The following REPIN1 variants were observed in gnomAD, a reference collection of about 807,000 sequenced individuals.
The protein encoded by REPIN1 is replication initiator 1.
REPIN1 carries 4 observed loss-of-function variants against 5.7 expected under a neutral mutation model. The ratio of observed to expected loss-of-function variants is 0.71; its 90% CI spans 0.35 to 1.62. REPIN1 has a LOEUF of 1.62. Ranked by LOEUF, REPIN1 falls within the 40% of genes most tolerant of loss-of-function variation. The pLI is 0.05. For missense variants in REPIN1, 854 were observed against 901.0 expected, an observed-to-expected ratio of 0.95 and a Z score of 0.67; for synonymous variants, 410 against 386.2, an observed-to-expected ratio of 1.06 and a Z score of -0.72.
Position 150,369,881 on chromosome 7 carries a change from C to G in REPIN1, c.157+13C>G, listed in dbSNP as rs1799378160. 2 of 1,572,168 alleles carry G rather than the reference C, an allele frequency of 1.3e-6. 1 individual carries two copies. Among genetic ancestry groups the G allele is most frequent in the Middle Eastern group, 3.7e-4 (2 of 5,448 alleles). Reference sequence around the variant, plus strand: ...TGCAGTCTCCAGGGTAGAGTCTGGCCTTTGCTGTGCTCCCAAACCACGCCA... The same window carrying G: ...TGCAGTCTCCAGGGTAGAGTCTGGCGTTTGCTGTGCTCCCAAACCACGCCA... On this transcript the variant is annotated intron_variant, in intron 2 of 2. Transcript: ENST00000489432.
rs115006765 is a variant in REPIN1, at chr7:150,370,134, G to T, written c.157+266G>T. The stretch of plus-strand genomic sequence containing the variant: ...CTTCCTTCCTCCTTCCGCGGAGGAG[G>T]CTCCTGTGCAGGAATCTGGGCTCCC... On this transcript the variant is annotated intron_variant, in intron 2 of 2. Transcript: ENST00000489432. The T allele has an allele frequency of 8.4e-3, 3,443 of 412,182 alleles. 90 individuals are homozygous for T. The highest frequency in any genetic ancestry group is 0.063 in the African/African-American group (3,205 of 51,028). The allele number at this position is 412,182 out of a possible 1,614,324, so 25.5% of individuals were successfully genotyped here.
At position 150,371,689 on chromosome 7, in the gene REPIN1, T is replaced by A. The variant is rs1274202032; in HGVS notation, c.619T>A (p.Cys207Ser). 1 of 1,606,164 alleles carries A rather than the reference T, an allele frequency of 6.2e-7. No individual in the cohort carries two copies. Among genetic ancestry groups the A allele is most frequent in the Non-Finnish European group, 8.5e-7 (1 of 1,179,826 alleles). Residue 207 changes from cysteine to serine, a missense_variant, in exon 3 of 3, where the codon TGC becomes AGC. Cys to Ser is a moderately radical substitution (Grantham distance 112, BLOSUM62 -1). Coordinates refer to ENST00000489432, the MANE Select transcript of REPIN1 (RefSeq NM_001099695.2). ...AAKRPIACPKCERRFWRRKQL... is the reference protein window; with the variant it reads ...AAKRPIACPKSERRFWRRKQL... Reference sequence around the variant, plus strand: ...AAAGCGGCCCATCGCTTGTCCCAAATGCGAGAGACGCTTCTGGCGACGAAA... The same window carrying A: ...AAAGCGGCCCATCGCTTGTCCCAAAAGCGAGAGACGCTTCTGGCGACGAAA...
chr7:150,372,245 G>GC lies in REPIN1; in HGVS notation c.1180dup (p.Gln394ProfsTer264), dbSNP rs760482357. 1 of 1,538,066 alleles carries GC rather than the reference G, an allele frequency of 6.5e-7. No homozygotes were observed. The highest frequency in any genetic ancestry group is 8.7e-7 in the Non-Finnish European group (1 of 1,148,416). On this transcript the variant is annotated frameshift_variant, in exon 3 of 3. Transcript: ENST00000489432. LOFTEE classifies it low-confidence loss of function (END_TRUNC). Reference sequence around the variant, plus strand: ...CCGGGGAGCCCCCAGCTGCCAGCCGGCCCCCAGGAGTCCGCGGCCGAGCCC... The same window carrying GC: ...CCGGGGAGCCCCCAGCTGCCAGCCGGCCCCCCAGGAGTCCGCGGCCGAGCCC...
rs367924981 is a variant in REPIN1, at chr7:150,371,485, C to G, written c.415C>G (p.Arg139Gly). The G allele has an allele frequency of 6.2e-7, 1 of 1,607,114 alleles. No individual in the cohort carries two copies. The highest frequency in any genetic ancestry group is 1.7e-5 in the Admixed American group (1 of 59,968). ...GCTTCACACCCGCCGGTGCCAGGCC[C>G]GGCTGCCCTTGCCCTGCCCTGAGTG... The part of the protein sequence containing the change: ...LWLHTRRCQA[R>G]LPLPCPECGR... Residue 139 changes from arginine (R) to glycine (G), a missense_variant, in exon 3 of 3, where the codon CGG becomes GGG. Arg to Gly is a moderately radical substitution (Grantham distance 125, BLOSUM62 -2). This residue lies in a region of REPIN1 where 409 missense variants were observed against 418.6 expected (regional missense o/e 0.98). Coordinates refer to ENST00000489432, the MANE Select transcript of REPIN1 (RefSeq NM_001099695.2).
In REPIN1 at chr7:150,372,545, A is replaced by G; in HGVS notation, c.1475A>G (p.Glu492Gly). 1.9e-6 allele frequency: 3 copies of G among 1,574,454 alleles called. No homozygotes were observed. The highest frequency in any genetic ancestry group is 1.3e-5 in the African/African-American group (1 of 74,274). ...HSGERPFACE[E>G]CGRRFSQGSH... The stretch of plus-strand genomic sequence containing the variant: ...GGCGAGCGGCCCTTCGCCTGCGAGG[A>G]GTGCGGCCGCCGCTTCTCCCAGGGC... The change falls in exon 3 of 3, where the codon GAG (glutamate) becomes GGG (glycine). Residue 492 changes from glutamate (E) to glycine (G), a missense_variant. Transcript: ENST00000489432.
chr7:150,372,302 A>G lies in REPIN1; in HGVS notation c.1232A>G (p.Glu411Gly). ...GCGGTACCTCTGAAACCGGCCCAGG[A>G]GCCGCCGCCAGGGGCCCCGCCAGAG... ...TPAVPLKPAQ[E>G]PPPGAPPEHP... Residue 411 changes from glutamate (E) to glycine (G), a missense_variant, in exon 3 of 3, where the codon GAG becomes GGG. Transcript: ENST00000489432. The G allele has an allele frequency of 6.6e-7, 1 of 1,521,104 alleles. No homozygotes were observed. The highest frequency in any genetic ancestry group is 8.8e-7 in the Non-Finnish European group (1 of 1,141,484). 94.2% of individuals were successfully genotyped at this position (1,521,104 alleles called of 1,614,324 possible).
Position 150,368,854 on chromosome 7 carries a change from G to A in REPIN1, c.-129G>A. 1 of 333,846 alleles carries A rather than the reference G, an allele frequency of 3.0e-6. No homozygotes were observed. Among genetic ancestry groups the A allele is most frequent in the Non-Finnish European group, 5.4e-6 (1 of 186,468 alleles). 20.7% of individuals were successfully genotyped at this position (333,846 alleles called of 1,614,324 possible). A position where few individuals can be genotyped will look rare whatever the true frequency, so the allele number is the denominator to read the frequency against. Reference sequence around the variant, plus strand: ...AACTCGAACCTGCCGCTGTCGCCGCGGCGGGGCGGGGAGCGAGAGTGGGCC... The same window carrying A: ...AACTCGAACCTGCCGCTGTCGCCGCAGCGGGGCGGGGAGCGAGAGTGGGCC... On this transcript the variant is annotated 5_prime_UTR_variant, in exon 1 of 3. Transcript: ENST00000489432.
Position 150,371,414 on chromosome 7 carries a change from G to A in REPIN1, c.344G>A (p.Arg115His), listed in dbSNP as rs199739678. 80 of 1,600,738 alleles carry A rather than the reference G, an allele frequency of 5.0e-5. No individual in the cohort carries two copies. The highest frequency in any genetic ancestry group is 3.0e-4 in the South Asian group (27 of 89,464). Residue 115 changes from arginine (R) to histidine (H), a missense_variant, in exon 3 of 3, where the codon CGC becomes CAC. Arg to His is a conservative substitution (Grantham distance 29, BLOSUM62 0). Transcript: ENST00000489432. ...SGAQAPGRAH[R>H]CAHCRRHFPG... Reference sequence around the variant, plus strand: ...GCCCAAGCCCCAGGCAGGGCCCATCGCTGTGCCCACTGTCGAAGGCACTTC... The same window carrying A: ...GCCCAAGCCCCAGGCAGGGCCCATCACTGTGCCCACTGTCGAAGGCACTTC...
At position 150,372,713 on chromosome 7, in the gene REPIN1, A is replaced by C. The variant is rs1336088889; in HGVS notation, c.1643A>C (p.Asp548Ala). The C allele has an allele frequency of 1.2e-6, 2 of 1,612,646 alleles. No individual in the cohort carries two copies. Among genetic ancestry groups the C allele is most frequent in the Admixed American group, 1.7e-5 (1 of 60,004 alleles). Residue 548 changes from aspartate (D) to alanine (A), a missense_variant, in exon 3 of 3, where the codon GAC (aspartate) becomes GCC (alanine). Transcript: ENST00000489432. ...HTGEKPYVCP[D>A]CGKAFSQKSN... ...GGCGAGAAGCCCTACGTCTGCCCCG[A>C]CTGCGGCAAAGCCTTCAGCCAGAAG... is the stretch of plus-strand genomic sequence containing the variant.
Position 150,371,474 on chromosome 7 carries a change from G to A in REPIN1, c.404G>A (p.Arg135Gln), listed in dbSNP as rs1413330656. The A allele has an allele frequency of 2.5e-6, 4 of 1,607,314 alleles. No homozygotes were observed. The highest frequency in any genetic ancestry group is 2.2e-5 in the East Asian group (1 of 44,842). ...GTGGCTCTGTGGCTTCACACCCGCCGGTGCCAGGCCCGGCTGCCCTTGCCC... is the reference window on the plus strand; with the variant it reads ...GTGGCTCTGTGGCTTCACACCCGCCAGTGCCAGGCCCGGCTGCCCTTGCCC... ...GWVALWLHTR[R>Q]CQARLPLPCP... Residue 135 changes from arginine to glutamine, a missense_variant, in exon 3 of 3, where the codon CGG (arginine) becomes CAG (glutamine). Physicochemically the swap from Arg to Gln is conservative, Grantham distance 43 (BLOSUM62 1). Transcript: ENST00000489432.
Position 150,369,549 on chromosome 7 carries a change from T to C in REPIN1, c.-41-122T>C, listed in dbSNP as rs543448756. 9 of 799,604 alleles carry C rather than the reference T, an allele frequency of 1.1e-5. No individual in the cohort carries two copies. The East Asian group carries it at 2.4e-4, about 21-fold the overall frequency. 49.5% of individuals were successfully genotyped at this position (799,604 alleles called of 1,614,324 possible). A position where few individuals can be genotyped will look rare whatever the true frequency, so the allele number is the denominator to read the frequency against. On this transcript the variant is annotated intron_variant, in intron 1 of 2. Coordinates refer to ENST00000489432, the MANE Select transcript of REPIN1 (RefSeq NM_001099695.2). ...TAAGGTCACTCTGCCAGGCAGGATGTGGGGCTTATGGCTGGTGCGTGTGGC... is the reference window on the plus strand; with the variant it reads ...TAAGGTCACTCTGCCAGGCAGGATGCGGGGCTTATGGCTGGTGCGTGTGGC...
intron 2 of REPIN1, chr7:150,370,353 A>C: frequency 3.7e-6 from 1 of 269,102 alleles, no homozygotes. Flanking sequence ...ATTCAGGGAG[A>C]GCCTTCCTTC....
At chr7:150,370,002 G>T (rs903047892) in intron 2 of REPIN1, 134 bp downstream of exon 2, 33 of 1,070,400 alleles carry the variant, frequency 3.1e-5, no homozygotes, top group Non-Finnish European at 4.1e-5. Flanking sequence ...CACTGGGAAT[G>T]AGTGACCTTT....
intron 2 of REPIN1, chr7:150,370,897 GC>G (rs1799626185): frequency 1.4e-6 from 1 of 699,514 alleles, no homozygotes; most frequent in African/African-American, 1.7e-5. Context: ...GAGTCCTGTG[GC>G]AGGAATGTTT....
chr7:150,371,982 C>T lies in REPIN1; in HGVS notation c.912C>T (p.His304=). The T allele has an allele frequency of 6.2e-7, 1 of 1,611,058 alleles. No homozygotes were observed. The highest frequency in any genetic ancestry group is 8.5e-7 in the Non-Finnish European group (1 of 1,179,632). Residue 304 remains histidine (H), a synonymous_variant, in exon 3 of 3, where the codon CAC becomes CAT. Coordinates refer to ENST00000489432, the MANE Select transcript of REPIN1 (RefSeq NM_001099695.2). ...QCACCGKRFR[H]KPNLIAHRRV... ...CCTGTTGTGGCAAGCGCTTCCGGCACAAGCCCAACTTGATCGCTCACCGCC... is the reference window on the plus strand; with the variant it reads ...CCTGTTGTGGCAAGCGCTTCCGGCATAAGCCCAACTTGATCGCTCACCGCC...
Position 150,371,378 on chromosome 7 carries a change from C to T in REPIN1, c.308C>T (p.Ala103Val). The T allele has an allele frequency of 6.3e-7, 1 of 1,594,012 alleles. No individual in the cohort carries two copies. The highest frequency in any genetic ancestry group is 8.5e-7 in the Non-Finnish European group (1 of 1,171,574). ...CTGAGGCAACAAGGCACGTCAGTGG[C>T]CCAGTCTGGTGCCCAAGCCCCAGGC... ...RGLRQQGTSV[A>V]QSGAQAPGRA... The change falls in exon 3 of 3, where the codon GCC becomes GTC. Residue 103 changes from alanine (A) to valine (V), a missense_variant. Coordinates refer to ENST00000489432, the MANE Select transcript of REPIN1 (RefSeq NM_001099695.2).
rs778653475 is a variant in REPIN1 at position 150,372,382 on chromosome 7, G to T, written c.1312G>T (p.Gly438Cys). Residue 438 changes from glycine to cysteine, a missense_variant, in exon 3 of 3, where the codon GGC (glycine) becomes TGC (cysteine). Around this residue, in one of 5 missense-constraint regions of REPIN1, gnomAD observed 327 missense variants for 307.8 expected, o/e 1.06. Coordinates refer to ENST00000489432, the MANE Select transcript of REPIN1 (RefSeq NM_001099695.2). ...CTCCCTCTACAGCTGCGACGACTGC[G>T]GCAGGAGCTTCCGGCTGGAGCGCTT... Reference protein sequence around the residue: ...PPSLYSCDDCGRSFRLERFLR... With the variant: ...PPSLYSCDDCCRSFRLERFLR... The T allele has an allele frequency of 1.5e-5, 22 of 1,490,642 alleles. No homozygotes were observed. In the Admixed American group the frequency reaches 3.9e-4, roughly 26 times the overall value. 92.3% of individuals were successfully genotyped at this position (1,490,642 alleles called of 1,614,324 possible). A position where few individuals can be genotyped will look rare whatever the true frequency, so the allele number is the denominator to read the frequency against.
In REPIN1 at chr7:150,371,252, G is replaced by A. The variant is rs372709527; in HGVS notation, c.182G>A (p.Arg61His). ...LQAEEEPMLE[R>H]RCRGPLAMGL... ...GCAGAGGAAGAACCGATGCTGGAAC[G>A]TCGTTGCAGGGGCCCCCTGGCCATG... Residue 61 changes from arginine to histidine, a missense_variant, in exon 3 of 3, where the codon CGT (arginine) becomes CAT (histidine). This residue lies in a region of REPIN1 where 409 missense variants were observed against 418.6 expected (regional missense o/e 0.98). Transcript: ENST00000489432. 16 of 1,599,024 alleles carry A rather than the reference G, an allele frequency of 1.0e-5. No individual in the cohort carries two copies. The highest frequency in any genetic ancestry group is 2.2e-5 in the South Asian group (2 of 89,538).
In REPIN1 at chr7:150,370,128, G is replaced by A. The variant is rs1799450541; in HGVS notation, c.157+260G>A. 6 of 423,908 alleles carry A rather than the reference G, an allele frequency of 1.4e-5. No individual in the cohort carries two copies. The South Asian group carries it at 2.2e-4, about 15-fold the overall frequency. The allele number at this position is 423,908 out of a possible 1,614,324, so 26.3% of individuals were successfully genotyped here. On this transcript the variant is annotated intron_variant, in intron 2 of 2. Coordinates refer to ENST00000489432, the MANE Select transcript of REPIN1 (RefSeq NM_001099695.2). The stretch of plus-strand genomic sequence containing the variant: ...TAACTGCTTCCTTCCTCCTTCCGCG[G>A]AGGAGGCTCCTGTGCAGGAATCTGG...
Sources: gnomAD v4.1 joint callset for allele counts on GRCh38, gnomAD v4.1.1 for gene constraint, gnomAD v4.1.1 regional missense constraint, MANE v1.5 for transcripts, NCBI Gene and HGNC (gene_info 2026-07-23, HGNC 2026-07-21) for gene names.